The following MTUS1 variants were observed in gnomAD, a reference collection of about 807,000 sequenced individuals.
MTUS1 encodes microtubule associated scaffold protein 1, also known as microtubule-associated tumor suppressor 1.
Under a neutral mutation model 120.8 loss-of-function variants are expected in MTUS1, and 109 were observed. The observed-to-expected ratio is 0.90, with a 90% CI of 0.77 to 1.06. The LOEUF (loss-of-function observed/expected upper bound fraction) is 1.06. MTUS1 is among the 50% of genes least tolerant of loss of function. The pLI is 0.00. For synonymous variants in MTUS1, 737 were observed against 550.5 expected, an observed-to-expected ratio of 1.34 and a Z score of -4.74; for missense variants, 2,210 against 1,486.3, an observed-to-expected ratio of 1.49 and a Z score of -8.01.
At chr8:17,760,875 G>T (rs1050115878) in intron 1 of MTUS1, among the ~76,000 whole-genome samples, 13 of 150,292 alleles carry the variant, frequency 8.6e-5, no homozygotes, top group Non-Finnish European at 1.9e-4. Flanking sequence ...TTCTCTTTTG[G>T]TAGTACTACC....
rs756147535 is a variant in MTUS1 at position 17,755,026 on chromosome 8, C to G, written c.782G>C (p.Gly261Ala). ...MQSEVFVSDI[G>A]NQCACSSGKV... ...TCCTGAAGAACATGCACACTGATTT[C>G]CAATATCTGAAACAAAAACCTCACT... The change falls in exon 2 of 15, where the codon GGA becomes GCA. Residue 261 changes from glycine (G) to alanine (A), a missense_variant. Gly to Ala is a moderately conservative substitution (Grantham distance 60). Coordinates refer to ENST00000693296, the MANE Select transcript of MTUS1 (RefSeq NM_001363059.2). The G allele has an allele frequency of 1.2e-6, 2 of 1,613,810 alleles. No homozygotes were observed. Among genetic ancestry groups the G allele is most frequent in the African/African-American group, 1.3e-5 (1 of 74,930 alleles).
chr8:17,677,179 C>G lies in MTUS1; in HGVS notation c.2839-1927G>C, dbSNP rs904049652. Among the ~76,000 whole-genome samples the G allele has an allele frequency of 2.6e-5, 4 of 152,016 alleles. No individual in the cohort carries two copies. In the South Asian group the frequency reaches 8.3e-4, roughly 32 times the overall value. On this transcript the variant is annotated intron_variant, in intron 7 of 14. Transcript: ENST00000693296. ...TGGTTTTCTAATGTAGAAATTAAAG[C>G]CTGAGGAAAATCAGCCCGCATAATA...
At chr8:17,753,532 G>A (rs2048350508) in intron 2 of MTUS1, among the ~76,000 whole-genome samples, 185 bp downstream of exon 2, 1 of 151,862 alleles carries the variant, frequency 6.6e-6, no homozygotes, top group Non-Finnish European at 1.5e-5. Flanking sequence ...TTTTCCATAT[G>A]CAGTTTTGTT....
At chr8:17,752,599 T>A (rs979151358) in intron 2 of MTUS1, among the ~76,000 whole-genome samples, 2 of 152,076 alleles carry the variant, frequency 1.3e-5, no homozygotes, top group African/African-American at 4.8e-5. Context: ...TTCCTAACCT[T>A]GTCTTCTAAA....
chr8:17,653,451 G>A lies in MTUS1; in HGVS notation c.3262C>T (p.Leu1088Phe), dbSNP rs1585413797. 1.9e-6 allele frequency: 3 copies of A among 1,612,198 alleles called. No homozygotes were observed. The highest frequency in any genetic ancestry group is 2.2e-5 in the East Asian group (1 of 44,852). The change falls in exon 11 of 15, where the codon CTT (leucine) becomes TTT (phenylalanine). Residue 1088 changes from leucine to phenylalanine, a missense_variant. Leu to Phe is a conservative substitution (Grantham distance 22, BLOSUM62 0). Coordinates refer to ENST00000693296, the MANE Select transcript of MTUS1 (RefSeq NM_001363059.2). ...EIEKKSLEDL[L>F]SEKQESLEKQ... ...TCTAGCGATTCCTGCTTCTCAGAAA[G>A]TAAATCTTCAAGCGATTTCTTTTCT...
intron 6 of MTUS1, among the ~76,000 whole-genome samples, chr8:17,702,030 G>A (rs17633886): frequency 0.53 from 80,936 of 151,932 alleles, 22,370 homozygotes; most frequent in Middle Eastern, 0.65. Context: ...AAATGTCAAC[G>A]AACTTAATTC....
chr8:17,682,186 G>C (rs1364322265), intron 7 of MTUS1, among the ~76,000 whole-genome samples: 4 of 152,040 alleles, frequency 2.6e-5, no homozygotes, highest in South Asian at 2.1e-4. Flanking sequence ...TGGATTATAG[G>C]TGAGAAACAG....
At chr8:17,722,184 C>A in intron 4 of MTUS1, 4 of 1,065,022 alleles carry the variant, frequency 3.8e-6, no homozygotes, top group Non-Finnish European at 3.4e-6. Flanking sequence ...TGGACAAAAG[C>A]ACTTTACAGC....
chr8:17,713,172 A>G, intron 6 of MTUS1, 42 bp downstream of exon 6: 3 of 1,490,086 alleles, frequency 2.0e-6, no homozygotes, highest in Non-Finnish European at 2.8e-6. Context: ...ATAACTTTAC[A>G]AAAAGATTCT....
chr8:17,796,403 C>T (rs2052242117), intron 1 of MTUS1, among the ~76,000 whole-genome samples: 1 of 19,588 alleles, frequency 5.1e-5, no homozygotes, highest in African/African-American at 1.9e-4. Flanking sequence ...TATGCAAATA[C>T]GTACTTCTAA....
chr8:17,675,097 A>C (rs1285953366), intron 8 of MTUS1, 89 bp downstream of exon 8: 94 of 1,591,776 alleles, frequency 5.9e-5, no homozygotes, highest in Non-Finnish European at 1.9e-5. Context: ...CCAGCATGCA[A>C]CTCCAGCCAC....
intron 4 of MTUS1, among the ~76,000 whole-genome samples, 159 bp from the exon 5 acceptor site, chr8:17,716,060 C>A (rs1363289397): frequency 6.6e-6 from 1 of 152,178 alleles, no homozygotes; most frequent in Non-Finnish European, 1.5e-5. Flanking sequence ...TAACAGGTAG[C>A]TTGTGTCTCA....
chr8:17,762,828 G>C (rs1008148201), intron 1 of MTUS1, among the ~76,000 whole-genome samples: 3 of 152,142 alleles, frequency 2.0e-5, no homozygotes, highest in East Asian at 1.9e-4. Flanking sequence ...GATGGGGCCT[G>C]AGATTCTGCA....
chr8:17,662,307 G>C (rs187814694), intron 8 of MTUS1, among the ~76,000 whole-genome samples: 1 of 150,668 alleles, frequency 6.6e-6, no homozygotes, highest in African/African-American at 2.4e-5. Context: ...TTTGAAAGAA[G>C]GTATTAGACA....
At chr8:17,654,896 C>T in intron 9 of MTUS1, 1 of 549,958 alleles carries the variant, frequency 1.8e-6, no homozygotes, top group Admixed American at 3.1e-5. Context: ...CAAGTCCAGC[C>T]TGGGCAATGT....
intron 2 of MTUS1, among the ~76,000 whole-genome samples, chr8:17,749,896 C>T (rs528463269): frequency 3.3e-5 from 5 of 152,258 alleles, no homozygotes; most frequent in African/African-American, 1.2e-4. Flanking sequence ...CCACTGGTCA[C>T]TCATGTTTGG....
intron 1 of MTUS1, among the ~76,000 whole-genome samples, chr8:17,786,308 G>C (rs1020081107): frequency 6.6e-6 from 1 of 152,144 alleles, no homozygotes; most frequent in African/African-American, 2.4e-5. Context: ...GAGAGGTCTG[G>C]AAGGCAGTGC....
intron 2 of MTUS1, among the ~76,000 whole-genome samples, chr8:17,752,498 G>C (rs1563322198): frequency 6.6e-6 from 1 of 152,032 alleles, no homozygotes; most frequent in Non-Finnish European, 1.5e-5. Context: ...AATCACTGTG[G>C]TGTACCCTTC....
chr8:17,731,858 A>T (rs2046607335), intron 3 of MTUS1, among the ~76,000 whole-genome samples: 1 of 152,222 alleles, frequency 6.6e-6, no homozygotes, highest in Non-Finnish European at 1.5e-5. Context: ...CTGGTGAGCC[A>T]ACTGTCATTC....
Sources: allele counts gnomAD v4.1 joint callset (sites outside exome capture counted in the v4.1 genomes callset), GRCh38; gene constraint gnomAD v4.1.1; transcripts MANE v1.5; gene names NCBI Gene and HGNC (gene_info 2026-07-23, HGNC 2026-07-21).